The following GPC6 variants were observed in gnomAD, a reference collection of about 807,000 sequenced individuals.
GPC6 encodes the protein glypican-6.
Under a neutral mutation model 55.2 loss-of-function variants are expected in GPC6, and 14 were observed. That is an observed-to-expected ratio of 0.25 (90% CI 0.17 to 0.40). GPC6 has a LOEUF of 0.40. GPC6 is among the 10% of genes least tolerant of loss of function. GPC6 has a pLI of 1.00. For missense variants in GPC6, 641 were observed against 708.5 expected (o/e 0.90, Z 1.08); for synonymous variants, 278 against 259.6 (o/e 1.07, Z -0.68).
Position 94,021,301 on chromosome 13 carries a change from TCTTG to T in GPC6, c.712-6424_712-6421del, listed in dbSNP as rs1046569682. ...ATATACTTTTAACTTTCACATATTT[TCTTG>T]CTTATTTAATATTTTAAGAAACAGT... On this transcript the variant is annotated intron_variant, in intron 3 of 8. Coordinates refer to ENST00000377047, the MANE Select transcript of GPC6 (RefSeq NM_005708.5). Among the ~76,000 whole-genome samples the T allele has an allele frequency of 1.6e-4, 24 of 151,874 alleles. No individual in the cohort carries two copies. The East Asian group carries it at 4.5e-3, about 28-fold the overall frequency.
At chr13:93,519,406 A>T (rs1479698589) in intron 1 of GPC6, among the ~76,000 whole-genome samples, 1 of 152,066 alleles carries the variant, frequency 6.6e-6, no homozygotes, top group Non-Finnish European at 1.5e-5. Context: ...TTAGCAATGT[A>T]CAAAAAGCTT....
At chr13:94,059,844 C>A (rs930807281) in intron 4 of GPC6, among the ~76,000 whole-genome samples, 3 of 151,726 alleles carry the variant, frequency 2.0e-5, no homozygotes, top group African/African-American at 7.3e-5. Context: ...TCCCAAAGGC[C>A]CCACCTCCTA....
chr13:94,385,527 C>A (rs2139211443), intron 7 of GPC6, among the ~76,000 whole-genome samples: 1 of 152,250 alleles, frequency 6.6e-6, no homozygotes, highest in East Asian at 1.9e-4. Context: ...TAAAATATAT[C>A]TTTTATTATG....
intron 4 of GPC6, among the ~76,000 whole-genome samples, chr13:94,119,650 T>G (rs1325729667): frequency 6.6e-6 from 1 of 152,124 alleles, no homozygotes; most frequent in Non-Finnish European, 1.5e-5. Context: ...CCCCTGGAGT[T>G]GTGCAATGAG....
chr13:93,911,425 T>C (rs1253531101), intron 3 of GPC6, among the ~76,000 whole-genome samples: 1 of 152,108 alleles, frequency 6.6e-6, no homozygotes, highest in Admixed American at 6.5e-5. Flanking sequence ...TGTGTGTGTG[T>C]GTGTGTGTGT....
In GPC6 at chr13:93,278,240, A is replaced by AT. The variant is rs571773503; in HGVS notation, c.160+50633dup. Reference sequence around the variant, plus strand: ...GTTTCATTGTGTGAGCTGAATAGAGATTTTTTTTTAAAAAGTTTGTTTTAT... The same window carrying AT: ...GTTTCATTGTGTGAGCTGAATAGAGATTTTTTTTTTAAAAAGTTTGTTTTAT... On this transcript the variant is annotated intron_variant, in intron 1 of 8. Coordinates refer to ENST00000377047, the MANE Select transcript of GPC6 (RefSeq NM_005708.5). Among the ~76,000 whole-genome samples the AT allele has an allele frequency of 1.4e-4, 21 of 152,080 alleles. No homozygotes were observed. In the East Asian group the frequency reaches 1.5e-3, roughly 11 times the overall value.
chr13:93,780,009 A>C (rs1885587597), intron 2 of GPC6, among the ~76,000 whole-genome samples: 1 of 152,160 alleles, frequency 6.6e-6, no homozygotes, highest in Admixed American at 6.5e-5. Flanking sequence ...TTATCTTACA[A>C]ATAGAGAACC....
intron 3 of GPC6, among the ~76,000 whole-genome samples, chr13:93,963,680 T>C (rs903211937): frequency 6.6e-6 from 1 of 152,080 alleles, no homozygotes; most frequent in Non-Finnish European, 1.5e-5. Context: ...TCTTTGGAAT[T>C]GTTGTGACAT....
chr13:93,765,309 A>AGATAAGCTGTCTGGAAAGACAGC (rs1287047496), intron 2 of GPC6, among the ~76,000 whole-genome samples: 1 of 27,502 alleles, frequency 3.6e-5, no homozygotes, highest in Non-Finnish European at 7.4e-5. Flanking sequence ...AAGACAACTT[A>AGATAAGCTGTCTGGAAAGACAGC]TTTGGTTTAA....
intron 2 of GPC6, among the ~76,000 whole-genome samples, chr13:93,761,339 T>C (rs1884948000): frequency 6.6e-6 from 1 of 152,262 alleles, no homozygotes. Flanking sequence ...TCAAAGTTAG[T>C]TTTTTAATAG....
At chr13:93,543,045 G>T (rs539928990) in intron 1 of GPC6, among the ~76,000 whole-genome samples, 51 of 152,280 alleles carry the variant, frequency 3.3e-4, no homozygotes, top group African/African-American at 1.1e-3. Flanking sequence ...ACCGTGGCCA[G>T]AACTTCCGAC....
chr13:93,613,530 AACACAC>A (rs10573990), intron 2 of GPC6, among the ~76,000 whole-genome samples: 2,915 of 139,970 alleles, frequency 0.021, 39 homozygotes, highest in Non-Finnish European at 0.028. Flanking sequence ...ACACACACAA[AACACAC>A]ACACACACAC....
chr13:94,345,092 A>G (rs575320951), intron 6 of GPC6, among the ~76,000 whole-genome samples: 3 of 152,338 alleles, frequency 2.0e-5, no homozygotes, highest in Non-Finnish European at 4.4e-5. Flanking sequence ...TAACTGGTCT[A>G]TATTTATAGA....
chr13:94,276,630 C>A (rs550364522), intron 4 of GPC6, among the ~76,000 whole-genome samples: 20 of 152,190 alleles, frequency 1.3e-4, no homozygotes, highest in African/African-American at 4.8e-4. Context: ...TGTTGTTCCC[C>A]TTCCTGTGTC....
At chr13:94,126,971 C>G (rs1886841661) in intron 4 of GPC6, among the ~76,000 whole-genome samples, 1 of 152,010 alleles carries the variant, frequency 6.6e-6, no homozygotes. Context: ...ATTTTATTCA[C>G]TTTTGATTTT....
At chr13:93,460,370 C>T (rs2139313831) in intron 1 of GPC6, among the ~76,000 whole-genome samples, 1 of 152,204 alleles carries the variant, frequency 6.6e-6, no homozygotes, top group Admixed American at 6.5e-5. Context: ...AATCTTTTGC[C>T]ATAATATTTT....
In GPC6 at chr13:94,086,313, G is replaced by C. The variant is rs115817245; in HGVS notation, c.877+58419G>C. Reference sequence around the variant, plus strand: ...AAAATGGCTCAAGTAAGAGTGAAATGGGTTCACCTTCCCCGGAAACAGGCT... The same window carrying C: ...AAAATGGCTCAAGTAAGAGTGAAATCGGTTCACCTTCCCCGGAAACAGGCT... On this transcript the variant is annotated intron_variant, in intron 4 of 8. Transcript: ENST00000377047. 2.4e-3 allele frequency among the ~76,000 whole-genome samples: 359 copies of C among 152,214 alleles called. 2 individuals are homozygous for C. The highest frequency in any genetic ancestry group is 7.9e-3 in the African/African-American group (330 of 41,542).
At chr13:93,605,857 A>AT in intron 2 of GPC6, among the ~76,000 whole-genome samples, 1 of 151,802 alleles carries the variant, frequency 6.6e-6, no homozygotes, top group African/African-American at 2.4e-5. Context: ...AAAAAAAAAA[A>AT]AAAAAAAAGT....
intron 2 of GPC6, among the ~76,000 whole-genome samples, chr13:93,672,317 G>T (rs975259248): frequency 1.8e-4 from 28 of 151,758 alleles, no homozygotes; most frequent in African/African-American, 6.5e-4. Flanking sequence ...TAACTATTGA[G>T]TTTGTAGTGT....
Sources: gnomAD v4.1 joint callset for allele counts (sites outside exome capture counted in the v4.1 genomes callset) on GRCh38, gnomAD v4.1.1 for gene constraint, MANE v1.5 for transcripts, NCBI Gene and HGNC (gene_info 2026-07-23, HGNC 2026-07-21) for gene names.